Variants in CEP70 observed in about 807,000 individuals in gnomAD.
CEP70 encodes the protein centrosomal protein 70.
CEP70 carries 70 observed loss-of-function variants against 90.9 expected under a neutral mutation model. The observed-to-expected ratio is 0.77, with a 90% confidence interval of 0.64 to 0.94. The LOEUF (loss-of-function observed/expected upper bound fraction) is 0.94, where lower values mean the gene tolerates loss of function less well. Among genes scored for constraint, CEP70 ranks in the 40% least tolerant of loss-of-function variants. The pLI, the probability that CEP70 is intolerant of heterozygous loss-of-function variation, is 0.00. For synonymous variants in CEP70, 220 were observed against 228.3 expected (o/e 0.96, Z 0.33); for missense variants, 648 against 669.0 (o/e 0.97, Z 0.35).
chr3:138,572,885 A>G lies in CEP70; in HGVS notation c.43T>C (p.Ser15Pro). 6.2e-7 allele frequency: 1 copy of G among 1,609,520 alleles called. No homozygotes were observed. Among genetic ancestry groups the G allele is most frequent in the Non-Finnish European group, 8.5e-7 (1 of 1,176,314 alleles). ...APKPQDSSQP[S>P]DRLMTEKQQE... is the part of the protein sequence containing the mutation. ...TGTTTTTCAGTCATGAGTCTGTCTGATGGTTGACTGGAATCCTGGGGTTTA... is the reference window on the plus strand; with the variant it reads ...TGTTTTTCAGTCATGAGTCTGTCTGGTGGTTGACTGGAATCCTGGGGTTTA... The change falls in exon 3 of 18, where the codon TCA becomes CCA. Residue 15 changes from serine to proline, a missense_variant. Transcript: ENST00000264982.
chr3:138,530,953 C>A, intron 8 of CEP70: 1 of 472,652 alleles, frequency 2.1e-6, no homozygotes, highest in Non-Finnish European at 2.8e-6. Context: ...AGGAGAGAGA[C>A]TCTTTTTATT....
At chr3:138,495,504 G>A (rs1576488994) in intron 17 of CEP70, among the ~76,000 whole-genome samples, 1 of 152,134 alleles carries the variant, frequency 6.6e-6, no homozygotes, top group East Asian at 1.9e-4. Flanking sequence ...GAACAGTCTT[G>A]TCCTCTTTAA....
At chr3:138,575,711 G>A (rs1227275953) in intron 2 of CEP70, among the ~76,000 whole-genome samples, 1 of 152,160 alleles carries the variant, frequency 6.6e-6, no homozygotes, top group Non-Finnish European at 1.5e-5. Flanking sequence ...GAAAGCTCGG[G>A]TTACCCACAA....
At chr3:138,575,271 G>A (rs1293263491) in intron 2 of CEP70, among the ~76,000 whole-genome samples, 2 of 152,210 alleles carry the variant, frequency 1.3e-5, no homozygotes, top group Non-Finnish European at 2.9e-5. Context: ...ACCGGATGGA[G>A]CTGAAAACCA....
At chr3:138,530,600 A>T in intron 8 of CEP70, 1 of 985,382 alleles carries the variant, frequency 1.0e-6, no homozygotes, top group South Asian at 4.7e-5. Flanking sequence ...CCCATGTCCC[A>T]CCTGTCTTCT....
intron 11 of CEP70, among the ~76,000 whole-genome samples, chr3:138,511,060 A>G (rs147156479): frequency 0.012 from 1,780 of 151,798 alleles, 41 homozygotes; most frequent in African/African-American, 0.041. Context: ...TTTAGTAGAA[A>G]CGGTGTTTTA....
intron 17 of CEP70, chr3:138,497,779 C>T: frequency 1.0e-6 from 1 of 985,148 alleles, no homozygotes; most frequent in Non-Finnish European, 1.2e-6. Context: ...TAGGCATGGA[C>T]AGAATGATGC....
intron 11 of CEP70, among the ~76,000 whole-genome samples, chr3:138,511,528 GATTA>G (rs765919405): frequency 6.6e-6 from 1 of 152,192 alleles, no homozygotes; most frequent in Non-Finnish European, 1.5e-5. Context: ...TTGCAAATCT[GATTA>G]ATAAATGTTA....
At chr3:138,593,448 C>T (rs2042488668) in intron 1 of CEP70, among the ~76,000 whole-genome samples, 1 of 152,192 alleles carries the variant, frequency 6.6e-6, no homozygotes, top group Non-Finnish European at 1.5e-5. Context: ...GTCTCGAACT[C>T]CTGACCTCAG....
chr3:138,554,224 C>G (rs1226973891), intron 6 of CEP70, among the ~76,000 whole-genome samples: 2 of 151,542 alleles, frequency 1.3e-5, no homozygotes, highest in African/African-American at 2.4e-5. Context: ...AATCCAGCAT[C>G]CTTTTGTCAT....
At chr3:138,576,365 A>C (rs2041524277) in intron 2 of CEP70, among the ~76,000 whole-genome samples, 1 of 152,254 alleles carries the variant, frequency 6.6e-6, no homozygotes. Context: ...AGACCATTAC[A>C]TAATGGTAAA....
intron 6 of CEP70, among the ~76,000 whole-genome samples, chr3:138,569,312 C>A (rs2041004585): frequency 6.6e-6 from 1 of 152,280 alleles, no homozygotes; most frequent in Non-Finnish European, 1.5e-5. Flanking sequence ...TTTTAGATAG[C>A]CTGAACTCAC....
At chr3:138,591,725 TCTA>T in intron 2 of CEP70, 126 bp downstream of exon 2, 2 of 783,942 alleles carry the variant, frequency 2.6e-6, no homozygotes, top group Non-Finnish European at 4.1e-6. Context: ...TTGTAAAATA[TCTA>T]CCTGATAGGA....
In CEP70 at chr3:138,591,889, T is replaced by TG. The variant is rs1437391104; in HGVS notation, c.-42dup. On this transcript the variant is annotated 5_prime_UTR_variant, in exon 2 of 18. The change creates a premature stop within an existing upstream ORF in the 5' untranslated region. Transcript: ENST00000264982. Reference sequence around the variant, plus strand: ...GCATATTACTCTTGCACTTTACACCTGGTCATTCAGGTTGATCTCAATGAA... The same window carrying TG: ...GCATATTACTCTTGCACTTTACACCTGGGTCATTCAGGTTGATCTCAATGAA... 2 of 1,505,040 alleles carry TG rather than the reference T, an allele frequency of 1.3e-6. No homozygotes were observed. Among genetic ancestry groups the TG allele is most frequent in the Non-Finnish European group, 1.8e-6 (2 of 1,131,296 alleles). The allele number at this position is 1,505,040 out of a possible 1,614,324, so 93.2% of individuals were successfully genotyped here.
At chr3:138,539,647 G>T (rs2038585380) in intron 6 of CEP70, among the ~76,000 whole-genome samples, 1 of 152,046 alleles carries the variant, frequency 6.6e-6, no homozygotes. Flanking sequence ...AAAGAAAAAA[G>T]AATACCTACA....
At chr3:138,537,371 T>C (rs1397350144) in intron 6 of CEP70, 24 bp from the exon 7 acceptor site, 1 of 1,499,184 alleles carries the variant, frequency 6.7e-7, no homozygotes. Flanking sequence ...TTTAAAAACA[T>C]GATTATGATA....
intron 17 of CEP70, chr3:138,496,028 A>G (rs1415507615): frequency 1.0e-6 from 1 of 985,274 alleles, no homozygotes; most frequent in Non-Finnish European, 1.2e-6. Context: ...TCTTATTCCA[A>G]CCAGCCTAAG....
chr3:138,515,623 G>A (rs2035941738), intron 11 of CEP70, among the ~76,000 whole-genome samples: 1 of 152,146 alleles, frequency 6.6e-6, no homozygotes, highest in Non-Finnish European at 1.5e-5. Context: ...CTGTGTACAT[G>A]TCCATGAATG....
At position 138,571,076 on chromosome 3, in the gene CEP70, T is replaced by C; in HGVS notation, c.242A>G (p.Gln81Arg). 6.2e-7 allele frequency: 1 copy of C among 1,603,846 alleles called. No individual in the cohort carries two copies. The highest frequency in any genetic ancestry group is 8.5e-7 in the Non-Finnish European group (1 of 1,172,524). Reference sequence around the variant, plus strand: ...TTCTATAAGCTCCTGTATCATGTTCTGTTGACATGATGTTTCTTCCACCAA... The same window carrying C: ...TTCTATAAGCTCCTGTATCATGTTCCGTTGACATGATGTTTCTTCCACCAA... Reference protein sequence around the residue: ...KLLVEETSCQQNMIQELIETN... With the variant: ...KLLVEETSCQRNMIQELIETN... The change falls in exon 5 of 18, where the codon CAG becomes CGG. Residue 81 changes from glutamine (Q) to arginine (R), a missense_variant. Coordinates refer to ENST00000264982, the MANE Select transcript of CEP70 (RefSeq NM_024491.4).
Sources: allele counts gnomAD v4.1 joint callset (sites outside exome capture counted in the v4.1 genomes callset), GRCh38; gene constraint gnomAD v4.1.1; transcripts MANE v1.5; gene names NCBI Gene and HGNC (gene_info 2026-07-23, HGNC 2026-07-21).